SUGCT: variants seen among roughly 807,000 people sequenced by gnomAD.
The protein encoded by SUGCT is succinyl-CoA:glutarate-CoA transferase.
In SUGCT, 41 loss-of-function variants were observed where a neutral mutation model predicts 55.0. The ratio of observed to expected loss-of-function variants is 0.74; its 90% CI spans 0.58 to 0.97. SUGCT has a LOEUF of 0.97. Ranked by LOEUF, SUGCT falls within the 50% of genes least tolerant of loss-of-function variation. The pLI, the probability that SUGCT is intolerant of heterozygous loss-of-function variation, is 0.00. For missense variants in SUGCT, 568 were observed against 547.8 expected, an observed-to-expected ratio of 1.04 and a Z score of -0.37; for synonymous variants, 187 against 200.4, an observed-to-expected ratio of 0.93 and a Z score of 0.56.
chr7:41,032,804 G>T, the SUGCT span, among the ~76,000 whole-genome samples: 3 of 152,116 alleles, frequency 2.0e-5, no homozygotes, highest in Non-Finnish European at 2.9e-5. Context: ...TCACTCTGTC[G>T]CTAGGCTGAA....
chr7:40,828,224 GTC>G (rs1176611002), intron 13 of SUGCT, among the ~76,000 whole-genome samples: 18 of 152,194 alleles, frequency 1.2e-4, no homozygotes. Context: ...CAGTTCATGA[GTC>G]AAGTGGGGCT....
At chr7:40,823,452 G>A (rs1418599022) in intron 13 of SUGCT, among the ~76,000 whole-genome samples, 4 of 151,932 alleles carry the variant, frequency 2.6e-5, no homozygotes, top group Non-Finnish European at 4.4e-5. Context: ...CTACTATGGC[G>A]ATTTCAAAAC....
At chr7:40,403,477 G>A (rs764117482) in intron 9 of SUGCT, among the ~76,000 whole-genome samples, 3 of 152,162 alleles carry the variant, frequency 2.0e-5, no homozygotes, top group Non-Finnish European at 2.9e-5. Flanking sequence ...GCCTAAAGGG[G>A]CAGGGGAGGA....
chr7:40,310,564 A>G (rs1412767584), intron 8 of SUGCT, among the ~76,000 whole-genome samples: 3 of 152,222 alleles, frequency 2.0e-5, no homozygotes, highest in Non-Finnish European at 2.9e-5. Flanking sequence ...TAGGATGGTA[A>G]TAACAGGGAT....
Position 40,245,435 on chromosome 7 carries a change from T to TATTA in SUGCT, c.576+7709_576+7710insATTA, listed in dbSNP as rs1434960007. The stretch of plus-strand genomic sequence containing the variant: ...TATATATATATATATTTTTTTTTTT[T>TATTA]TTTTTTTTTTTTTTTTTTTTTTGAG... On this transcript the variant is annotated intron_variant, in intron 7 of 13. Coordinates refer to ENST00000335693, the MANE Select transcript of SUGCT (RefSeq NM_001193313.2). Among the ~76,000 whole-genome samples the TATTA allele has an allele frequency of 3.1e-4, 10 of 32,302 alleles. 1 individual carries two copies. Among genetic ancestry groups the TATTA allele is most frequent in the Non-Finnish European group, 4.5e-4 (8 of 17,902 alleles). 21.2% of individuals were successfully genotyped at this position (32,302 alleles called of 152,430 possible).
chr7:40,988,036 C>G, the SUGCT span, among the ~76,000 whole-genome samples: 2 of 151,708 alleles, frequency 1.3e-5, no homozygotes, highest in African/African-American at 4.8e-5. Flanking sequence ...GAAGCCTTCT[C>G]ATTTCTAGAA....
chr7:40,468,286 T>C (rs1790227591), intron 11 of SUGCT, among the ~76,000 whole-genome samples: 1 of 152,188 alleles, frequency 6.6e-6, no homozygotes, highest in South Asian at 2.1e-4. Flanking sequence ...ATCTCTAGCC[T>C]TCCTGAAAAC....
the SUGCT span, among the ~76,000 whole-genome samples, chr7:40,958,247 G>A: frequency 1.3e-5 from 2 of 152,070 alleles, no homozygotes; most frequent in Non-Finnish European, 2.9e-5. Context: ...ATAATATCCT[G>A]AAGCACGTTT....
At chr7:40,235,194 T>C (rs190712900) in intron 6 of SUGCT, among the ~76,000 whole-genome samples, 3 of 152,334 alleles carry the variant, frequency 2.0e-5, no homozygotes, top group Non-Finnish European at 4.4e-5. Context: ...CTGTGGAGTT[T>C]GTTTTACATA....
At chr7:40,141,670 C>A (rs1584155008) in intron 1 of SUGCT, among the ~76,000 whole-genome samples, 1 of 146,488 alleles carries the variant, frequency 6.8e-6, no homozygotes, top group Middle Eastern at 3.5e-3. Flanking sequence ...CTTCTTATCA[C>A]ATTTACAGGT....
chr7:40,437,770 A>G lies in SUGCT; in HGVS notation c.817-11517A>G, dbSNP rs1788257168. Among the ~76,000 whole-genome samples the G allele has an allele frequency of 2.6e-5, 4 of 152,268 alleles. No homozygotes were observed. In the South Asian group the frequency reaches 8.3e-4, roughly 32 times the overall value. Reference sequence around the variant, plus strand: ...AAAACATTCTCATGGCGGTAAGTTAAACTTCATGGAATGTCTTTTTCCAGT... The same window carrying G: ...AAAACATTCTCATGGCGGTAAGTTAGACTTCATGGAATGTCTTTTTCCAGT... On this transcript the variant is annotated intron_variant, in intron 9 of 13. Coordinates refer to ENST00000335693, the MANE Select transcript of SUGCT (RefSeq NM_001193313.2).
At chr7:40,899,998 C>A in the SUGCT span, among the ~76,000 whole-genome samples, 1 of 152,174 alleles carries the variant, frequency 6.6e-6, no homozygotes, top group African/African-American at 2.4e-5. Context: ...TGGGCCCTGG[C>A]CCTCTCTCTT....
At chr7:40,783,782 C>A (rs956862957) in intron 13 of SUGCT, among the ~76,000 whole-genome samples, 1 of 152,122 alleles carries the variant, frequency 6.6e-6, no homozygotes, top group South Asian at 2.1e-4. Context: ...GGCTGGGATC[C>A]TAGATTTGCT....
intron 12 of SUGCT, among the ~76,000 whole-genome samples, chr7:40,543,824 T>C (rs144935603): frequency 6.6e-6 from 1 of 152,326 alleles, no homozygotes; most frequent in East Asian, 1.9e-4. Flanking sequence ...TGTGTTTTAA[T>C]AATAAGTATA....
At chr7:40,935,908 T>C in the SUGCT span, among the ~76,000 whole-genome samples, 1 of 152,190 alleles carries the variant, frequency 6.6e-6, no homozygotes, top group Admixed American at 6.5e-5. Context: ...CCAACATTTG[T>C]TATTGTCTTC....
chr7:40,910,677 C>T, the SUGCT span, among the ~76,000 whole-genome samples: 1 of 152,168 alleles, frequency 6.6e-6, no homozygotes, highest in African/African-American at 2.4e-5. Flanking sequence ...TTTGGTTCCT[C>T]TGCACTTGCA....
At chr7:40,487,192 C>G (rs1321739104) in intron 11 of SUGCT, among the ~76,000 whole-genome samples, 1 of 123,540 alleles carries the variant, frequency 8.1e-6, no homozygotes, top group Non-Finnish European at 1.6e-5. Flanking sequence ...TCAAGTGATT[C>G]TTCTACCACA....
At chr7:40,220,650 A>C (rs1416679050) in intron 6 of SUGCT, among the ~76,000 whole-genome samples, 1 of 152,160 alleles carries the variant, frequency 6.6e-6, no homozygotes, top group Non-Finnish European at 1.5e-5. Flanking sequence ...AAAGTGGGAA[A>C]TTTTCTCTTC....
intron 5 of SUGCT, among the ~76,000 whole-genome samples, chr7:40,189,990 C>G (rs1443574310): frequency 2.6e-5 from 4 of 152,144 alleles, no homozygotes; most frequent in Non-Finnish European, 5.9e-5. Context: ...TGGGGAAAAG[C>G]TGACATTTGG....
Sources: allele counts gnomAD v4.1 joint callset (sites outside exome capture counted in the v4.1 genomes callset), GRCh38; gene constraint gnomAD v4.1.1; transcripts MANE v1.5; gene names NCBI Gene and HGNC (gene_info 2026-07-23, HGNC 2026-07-21).